RIPOR2: variants seen among roughly 807,000 people sequenced by gnomAD.
The protein encoded by RIPOR2 is RHO family interacting cell polarization regulator 2.
In RIPOR2, 39 loss-of-function variants were observed where a neutral mutation model predicts 114.5. The observed-to-expected ratio is 0.34, with a 90% CI of 0.26 to 0.44. The LOEUF (loss-of-function observed/expected upper bound fraction) is 0.44, where lower values mean the gene tolerates loss of function less well. Ranked by LOEUF, RIPOR2 falls within the 20% of genes least tolerant of loss-of-function variation. The pLI is 1.00. For missense variants in RIPOR2, 1,007 were observed against 1,255.1 expected (o/e 0.80, Z 2.99); for synonymous variants, 445 against 484.4 (o/e 0.92, Z 1.07).
chr6:24,884,931 A>G (rs760058050), intron 1 of RIPOR2, among the ~76,000 whole-genome samples: 8 of 152,204 alleles, frequency 5.3e-5, no homozygotes, highest in Non-Finnish European at 8.8e-5. Context: ...TCACTTGAAA[A>G]AAAGAAACTT....
chr6:25,039,504 T>G (rs1777381399), intron 1 of RIPOR2, among the ~76,000 whole-genome samples: 1 of 152,224 alleles, frequency 6.6e-6, no homozygotes, highest in Non-Finnish European at 1.5e-5. Context: ...TGAGCTTACA[T>G]TCAACATCTA....
intron 1 of RIPOR2, among the ~76,000 whole-genome samples, chr6:24,897,904 C>T (rs1768044013): frequency 6.6e-6 from 1 of 151,958 alleles, no homozygotes; most frequent in Non-Finnish European, 1.5e-5. Flanking sequence ...GGACTACAGG[C>T]ACGCACCACC....
intron 10 of RIPOR2, 119 bp from the exon 11 acceptor site, chr6:24,850,069 T>C: frequency 1.3e-6 from 1 of 767,330 alleles, no homozygotes; most frequent in Non-Finnish European, 2.1e-6. Context: ...ATATCTGAAA[T>C]CAGAAGCGGA....
chr6:24,806,365 A>T lies in RIPOR2; in HGVS notation c.*8T>A, dbSNP rs761711347. 4.6e-6 allele frequency: 7 copies of T among 1,527,024 alleles called. No homozygotes were observed. In the African/African-American group the frequency reaches 6.9e-5, roughly 15 times the overall value. The allele number at this position is 1,527,024 out of a possible 1,614,324, so 94.6% of individuals were successfully genotyped here. ...TATTAAGACAGCTGTTAGGCAGTTA[A>T]CCTGTAATTAAAAGGCTGTGGCAAC... On this transcript the variant is annotated 3_prime_UTR_variant, in exon 22 of 22. Coordinates refer to ENST00000643898, the MANE Select transcript of RIPOR2 (RefSeq NM_001286445.3).
In RIPOR2 at chr6:24,971,791, G is replaced by A. The variant is rs1361316742; in HGVS notation, c.76+70060C>T. Reference sequence around the variant, plus strand: ...GAGCACTGAACTCCAAATCCCAGGAGGAAATGAGGTCCATTACTTGATAAC... The same window carrying A: ...GAGCACTGAACTCCAAATCCCAGGAAGAAATGAGGTCCATTACTTGATAAC... On this transcript the variant is annotated intron_variant, in intron 1 of 13. Coordinates refer to the RIPOR2 transcript ENST00000510784. Among the ~76,000 whole-genome samples the A allele has an allele frequency of 2.6e-5, 4 of 152,194 alleles. No homozygotes were observed. In the East Asian group the frequency reaches 5.8e-4, roughly 22 times the overall value.
intron 1 of RIPOR2, among the ~76,000 whole-genome samples, chr6:25,019,546 G>A (rs1776193224): frequency 6.6e-6 from 1 of 151,888 alleles, no homozygotes; most frequent in Non-Finnish European, 1.5e-5. Context: ...GAGGCGGGTG[G>A]ATCACGAGGT....
At chr6:25,018,240 A>C (rs1776112925) in intron 1 of RIPOR2, among the ~76,000 whole-genome samples, 1 of 152,244 alleles carries the variant, frequency 6.6e-6, no homozygotes, top group East Asian at 1.9e-4. Flanking sequence ...GCTAGCTCAG[A>C]AGACTTCTTC....
chr6:24,958,958 C>CTTTATTTTTTTT (rs139147901), intron 1 of RIPOR2, among the ~76,000 whole-genome samples: 1 of 123,220 alleles, frequency 8.1e-6, no homozygotes, highest in African/African-American at 3.5e-5. Context: ...TCTACATTTT[C>CTTTATTTTTTTT]TTTTTTTTTT....
intron 1 of RIPOR2, among the ~76,000 whole-genome samples, chr6:24,948,533 C>CTTTTT (rs35993841): frequency 1.4e-5 from 2 of 145,400 alleles, no homozygotes; most frequent in East Asian, 2.0e-4. Flanking sequence ...TTCTTTCTTT[C>CTTTTT]TTTTTTTTTT....
intron 1 of RIPOR2, among the ~76,000 whole-genome samples, chr6:25,000,754 G>C (rs751434694): frequency 4.6e-5 from 7 of 152,006 alleles, no homozygotes; most frequent in Non-Finnish European, 1.0e-4. Context: ...TGAGCCTGCT[G>C]CCCCGAAGTT....
chr6:25,015,407 T>C (rs1775923806), intron 1 of RIPOR2: 1 of 152,168 alleles, frequency 6.6e-6, no homozygotes, highest in African/African-American at 2.4e-5. Flanking sequence ...GAGCACAAAA[T>C]AACAAAACCT....
At chr6:24,990,772 G>A (rs1314028579) in intron 1 of RIPOR2, among the ~76,000 whole-genome samples, 4 of 152,156 alleles carry the variant, frequency 2.6e-5, no homozygotes, top group African/African-American at 9.7e-5. Context: ...ACTTAGTAGA[G>A]CACGTGTATG....
At chr6:24,849,158 G>C (rs1762608610) in intron 11 of RIPOR2, among the ~76,000 whole-genome samples, 1 of 152,148 alleles carries the variant, frequency 6.6e-6, no homozygotes, top group Non-Finnish European at 1.5e-5. Flanking sequence ...ACCTGCCTTG[G>C]CCTCCCAAAG....
chr6:25,028,601 GATACTA>G (rs1776742776), intron 1 of RIPOR2, among the ~76,000 whole-genome samples: 1 of 152,190 alleles, frequency 6.6e-6, no homozygotes, highest in Admixed American at 6.5e-5. Flanking sequence ...CACAATGCCT[GATACTA>G]ATACTACCCC....
intron 1 of RIPOR2, among the ~76,000 whole-genome samples, chr6:24,943,407 G>A (rs1772242232): frequency 6.6e-6 from 1 of 151,988 alleles, no homozygotes. Flanking sequence ...CGAGTTATTG[G>A]GTGCAGCACA....
intron 1 of RIPOR2, among the ~76,000 whole-genome samples, chr6:24,924,284 C>T (rs1192188628): frequency 6.6e-6 from 1 of 152,206 alleles, no homozygotes; most frequent in Non-Finnish European, 1.5e-5. Context: ...AAAAAGACAG[C>T]TTTGAGTCAT....
intron 1 of RIPOR2, among the ~76,000 whole-genome samples, chr6:24,902,847 C>A (rs1768611659): frequency 6.6e-6 from 1 of 152,204 alleles, no homozygotes; most frequent in East Asian, 1.9e-4. Flanking sequence ...TGTTCTGTGA[C>A]TGCTACTATC....
intron 1 of RIPOR2, among the ~76,000 whole-genome samples, chr6:24,891,766 CACTT>C (rs1767384639): frequency 6.6e-6 from 1 of 152,234 alleles, no homozygotes; most frequent in African/African-American, 2.4e-5. Context: ...ACCAAGCTCT[CACTT>C]AGGTTAGTAA....
chr6:24,828,341 TTC>T, intron 17 of RIPOR2, 46 bp from the exon 18 acceptor site: 1 of 573,746 alleles, frequency 1.7e-6, no homozygotes, highest in Non-Finnish European at 2.6e-6. Flanking sequence ...TAGATGACCA[TTC>T]ATTCATTCAT....
Sources: gnomAD v4.1 joint callset for allele counts (sites outside exome capture counted in the v4.1 genomes callset) on GRCh38, gnomAD v4.1.1 for gene constraint, MANE v1.5 for transcripts, NCBI Gene and HGNC (gene_info 2026-07-23, HGNC 2026-07-21) for gene names.